The following FRMD4B variants were observed in gnomAD, a reference collection of about 807,000 sequenced individuals.
The protein encoded by FRMD4B is FERM domain containing 4B.
In FRMD4B, 74 loss-of-function variants were observed where a neutral mutation model predicts 141.5. The ratio of observed to expected loss-of-function variants is 0.52; its 90% confidence interval spans 0.43 to 0.63. FRMD4B has a LOEUF of 0.63. FRMD4B is among the 30% of genes least tolerant of loss of function. The probability of loss-of-function intolerance (pLI) is 0.00; values close to 1 mark genes in which losing one functional copy is unlikely to be tolerated. For missense variants in FRMD4B, 1,366 were observed against 1,253.4 expected (o/e 1.09, Z -1.36); for synonymous variants, 506 against 467.9 (o/e 1.08, Z -1.05).
At chr3:69,400,930 T>C (rs1470070900) in intron 2 of FRMD4B, among the ~76,000 whole-genome samples, 2 of 152,178 alleles carry the variant, frequency 1.3e-5, no homozygotes, top group Non-Finnish European at 2.9e-5. Flanking sequence ...ATTTCTAAAA[T>C]AGAATACTTA....
chr3:69,459,515 T>C (rs112419960), intron 1 of FRMD4B, among the ~76,000 whole-genome samples: 2 of 152,232 alleles, frequency 1.3e-5, no homozygotes, highest in African/African-American at 2.4e-5. Flanking sequence ...TTGTGAAAGA[T>C]ACCAGAACAG....
intron 1 of FRMD4B, among the ~76,000 whole-genome samples, chr3:69,357,781 T>C (rs904296990): frequency 2.0e-5 from 3 of 152,166 alleles, no homozygotes; most frequent in Non-Finnish European, 4.4e-5. Flanking sequence ...ACTAAACCAT[T>C]TGTCATAAAG....
At chr3:69,198,467 A>G (rs2092930840) in intron 12 of FRMD4B, 1 of 481,886 alleles carries the variant, frequency 2.1e-6, no homozygotes, top group African/African-American at 2.0e-5. Flanking sequence ...CGGCATTGGA[A>G]CCACATATAC....
At chr3:69,272,291 C>A (rs2093597954) in intron 5 of FRMD4B, among the ~76,000 whole-genome samples, 1 of 152,120 alleles carries the variant, frequency 6.6e-6, no homozygotes, top group South Asian at 2.1e-4. Context: ...TACAGGTGTG[C>A]ACCACCATGC....
chr3:69,281,353 T>A (rs532473391), intron 5 of FRMD4B, among the ~76,000 whole-genome samples: 4 of 152,334 alleles, frequency 2.6e-5, no homozygotes, highest in Non-Finnish European at 4.4e-5. Flanking sequence ...ATTAACTTTG[T>A]AGATGTTTAA....
chr3:69,203,981 A>G (rs1203651158), intron 11 of FRMD4B, among the ~76,000 whole-genome samples: 1 of 152,184 alleles, frequency 6.6e-6, no homozygotes, highest in Non-Finnish European at 1.5e-5. Flanking sequence ...TTCAGGCTTT[A>G]TAAAAACTGG....
chr3:69,358,040 GAA>G (rs749271032), intron 1 of FRMD4B, among the ~76,000 whole-genome samples: 20 of 152,204 alleles, frequency 1.3e-4, no homozygotes, highest in Non-Finnish European at 2.9e-4. Flanking sequence ...CTCAAAAAGA[GAA>G]GAGTAATCAC....
At chr3:69,457,109 AT>A (rs1448564689) in intron 1 of FRMD4B, among the ~76,000 whole-genome samples, 1 of 152,234 alleles carries the variant, frequency 6.6e-6, no homozygotes, top group Non-Finnish European at 1.5e-5. Context: ...AGTTAAAGTT[AT>A]TTTTGCAAAA....
chr3:69,445,435 T>C (rs996866378), intron 1 of FRMD4B, among the ~76,000 whole-genome samples: 4 of 152,228 alleles, frequency 2.6e-5, no homozygotes, highest in African/African-American at 7.2e-5. Flanking sequence ...AAACCTTGGC[T>C]GCTCAGGCCA....
At chr3:69,244,942 A>G (rs1456724682) in intron 7 of FRMD4B, among the ~76,000 whole-genome samples, 2 of 152,234 alleles carry the variant, frequency 1.3e-5, no homozygotes, top group Non-Finnish European at 2.9e-5. Context: ...AAAAGCTAAT[A>G]TAAATAAGGC....
chr3:69,280,164 T>C (rs2093638115), intron 5 of FRMD4B, among the ~76,000 whole-genome samples: 1 of 152,142 alleles, frequency 6.6e-6, no homozygotes, highest in South Asian at 2.1e-4. Context: ...ACAGCCATGT[T>C]GAATGCTTCC....
chr3:69,213,119 C>T lies in FRMD4B; in HGVS notation c.876+3144G>A, dbSNP rs536780003. On this transcript the variant is annotated intron_variant, in intron 11 of 22. Coordinates refer to ENST00000398540, the MANE Select transcript of FRMD4B (RefSeq NM_015123.3). ...CAGCTTTAAAAAAGTGAAAAGAAAT[C>T]GGTTTATAAGTGAGCTAGAGAAATA... is the stretch of plus-strand genomic sequence containing the variant. Among the ~76,000 whole-genome samples the T allele has an allele frequency of 5.3e-5, 8 of 152,106 alleles. No individual in the cohort carries two copies. The East Asian group carries it at 1.4e-3, about 26-fold the overall frequency.
intron 5 of FRMD4B, among the ~76,000 whole-genome samples, chr3:69,272,796 A>C (rs1479736573): frequency 6.6e-6 from 1 of 152,234 alleles, no homozygotes; most frequent in Non-Finnish European, 1.5e-5. Flanking sequence ...TGTTCTGTTC[A>C]GTTAAATTGC....
At chr3:69,419,250 G>T (rs530392051) in intron 2 of FRMD4B, among the ~76,000 whole-genome samples, 1 of 152,288 alleles carries the variant, frequency 6.6e-6, no homozygotes, top group East Asian at 1.9e-4. Context: ...TAAATTCAAT[G>T]AAGATGAATA....
At chr3:69,480,894 C>G (rs943365920) in intron 1 of FRMD4B, among the ~76,000 whole-genome samples, 1 of 152,216 alleles carries the variant, frequency 6.6e-6, no homozygotes, top group African/African-American at 2.4e-5. Flanking sequence ...ATTTGTTTAC[C>G]TAAGCAAGCC....
chr3:69,369,497 G>A (rs958257926), intron 1 of FRMD4B, among the ~76,000 whole-genome samples: 1 of 152,054 alleles, frequency 6.6e-6, no homozygotes, highest in Non-Finnish European at 1.5e-5. Context: ...ACTGTGTGCT[G>A]AATAAAGGAG....
intron 1 of FRMD4B, among the ~76,000 whole-genome samples, chr3:69,515,159 G>A (rs1382029978): frequency 6.6e-6 from 1 of 152,114 alleles, no homozygotes; most frequent in East Asian, 1.9e-4. Context: ...AGTTGGGTGG[G>A]GTAGGGGGTG....
chr3:69,464,019 A>C (rs1413978117), intron 1 of FRMD4B, among the ~76,000 whole-genome samples: 1 of 152,154 alleles, frequency 6.6e-6, no homozygotes. Flanking sequence ...GTGAAGCCTC[A>C]CCTTGATCCA....
intron 1 of FRMD4B, among the ~76,000 whole-genome samples, chr3:69,468,806 G>A (rs1214122788): frequency 6.6e-6 from 1 of 152,154 alleles, no homozygotes; most frequent in Non-Finnish European, 1.5e-5. Context: ...TCGAGGGACT[G>A]CTCCACCTCT....
Sources: gnomAD v4.1 joint callset for allele counts (sites outside exome capture counted in the v4.1 genomes callset) on GRCh38, gnomAD v4.1.1 for gene constraint, MANE v1.5 for transcripts, NCBI Gene and HGNC (gene_info 2026-07-23, HGNC 2026-07-21) for gene names.